Variants in DMD observed in about 807,000 individuals in gnomAD.
DMD encodes dystrophin, also known as mutant dystrophin.
DMD carries 63 observed loss-of-function variants against 330.1 expected under a neutral mutation model. The observed-to-expected ratio is 0.19, with a 90% CI of 0.16 to 0.24. The LOEUF (loss-of-function observed/expected upper bound fraction) is 0.24, where lower values mean the gene tolerates loss of function less well. Among genes scored for constraint, DMD ranks in the 10% least tolerant of loss-of-function variants. The pLI is 1.00. For missense variants in DMD, 3,344 were observed against 2,684.1 expected (o/e 1.25, Z -5.43); for synonymous variants, 1,223 against 959.8 (o/e 1.27, Z -5.07).
chrX:32,600,526 C>A (rs2149286466), intron 12 of DMD, among the ~76,000 whole-genome samples: 1 of 102,323 alleles, frequency 9.8e-6, no homozygotes, highest in African/African-American at 3.7e-5. Flanking sequence ...TTTAACTACT[C>A]CTCCGACTTC....
Position 32,653,124 on chromosome X carries a change from T to C in DMD, c.961-7972A>G, listed in dbSNP as rs191606341. Among the ~76,000 whole-genome samples, 434 of 112,227 alleles carry C rather than the reference T, an allele frequency of 3.9e-3. 5 individuals carry two copies. The highest frequency in any genetic ancestry group is 0.03 in the Admixed American group (320 of 10,574). ...TCTGTAGGTTGCCTGTTCACTATGA[T>C]GGTAGTTTCTTTTGCTTTGCAGAAG... On this transcript the variant is annotated intron_variant, in intron 9 of 78. Transcript: ENST00000357033.
chrX:32,659,647 T>G (rs1467945122), intron 9 of DMD, among the ~76,000 whole-genome samples: 1 of 111,282 alleles, frequency 9.0e-6, no homozygotes, highest in African/African-American at 3.3e-5. Context: ...TACAATAATG[T>G]GTCTCTTAGC....
chrX:32,701,584 G>C (rs936663532), intron 7 of DMD, among the ~76,000 whole-genome samples: 1 of 111,037 alleles, frequency 9.0e-6, no homozygotes, highest in Admixed American at 9.7e-5. Context: ...TCTAGAAAAT[G>C]TTCTTCCTTC....
At chrX:31,333,839 A>G (rs1027398942) in intron 61 of DMD, among the ~76,000 whole-genome samples, 1 of 111,274 alleles carries the variant, frequency 9.0e-6, no homozygotes, top group Non-Finnish European at 1.9e-5. Context: ...TCTAAAACCT[A>G]TATTTATATT....
chrX:31,308,078 T>G (rs1389401458), intron 62 of DMD, among the ~76,000 whole-genome samples: 1 of 111,735 alleles, frequency 8.9e-6, no homozygotes, highest in African/African-American at 3.3e-5. Flanking sequence ...ATGCCACGAC[T>G]GATCTGACAG....
chrX:31,248,777 C>T (rs1455749828), intron 63 of DMD, among the ~76,000 whole-genome samples: 4 of 111,699 alleles, frequency 3.6e-5, no homozygotes, highest in East Asian at 2.8e-4. Context: ...AGAAGCCGGG[C>T]GTACTTCCTT....
At chrX:32,278,372 C>T (rs927999646) in intron 43 of DMD, among the ~76,000 whole-genome samples, 18 of 111,083 alleles carry the variant, frequency 1.6e-4, no homozygotes, top group African/African-American at 5.2e-4. Flanking sequence ...CTGAACTCTA[C>T]CATGTGATAA....
chrX:33,141,852 C>T (rs1391214378), intron 1 of DMD, among the ~76,000 whole-genome samples: 5 of 111,672 alleles, frequency 4.5e-5, no homozygotes, highest in African/African-American at 1.6e-4. Flanking sequence ...GCATACACTA[C>T]CAAAAAGTGA....
chrX:32,424,930 C>A (rs1603633169), intron 29 of DMD, among the ~76,000 whole-genome samples: 1 of 111,437 alleles, frequency 9.0e-6, no homozygotes, highest in African/African-American at 3.3e-5. Flanking sequence ...TAATCAAATA[C>A]AACCTGGAGA....
chrX:32,089,869 C>T (rs2096464134), intron 44 of DMD, among the ~76,000 whole-genome samples: 1 of 111,821 alleles, frequency 8.9e-6, no homozygotes, highest in Admixed American at 9.5e-5. Flanking sequence ...AATCACCACA[C>T]TGCTTTCAAC....
At chrX:32,251,313 C>T (rs984239244) in intron 43 of DMD, among the ~76,000 whole-genome samples, 2 of 111,351 alleles carry the variant, frequency 1.8e-5, no homozygotes, top group East Asian at 2.8e-4. Flanking sequence ...AGGTATCCCA[C>T]GTATGTATCT....
chrX:31,172,256 C>T (rs2040068335), intron 73 of DMD, 92 bp downstream of exon 73: 1 of 641,386 alleles, frequency 1.6e-6, no homozygotes. Context: ...GAATATGATG[C>T]TAATTCCTAT....
At chrX:33,091,251 A>G (rs1299353992) in intron 1 of DMD, among the ~76,000 whole-genome samples, 1 of 111,771 alleles carries the variant, frequency 8.9e-6, no homozygotes, top group Non-Finnish European at 1.9e-5. Context: ...AAGCAGACAC[A>G]CACTTCTATT....
At chrX:32,726,799 T>C (rs1388739348) in intron 7 of DMD, among the ~76,000 whole-genome samples, 3 of 110,796 alleles carry the variant, frequency 2.7e-5, no homozygotes, top group South Asian at 7.6e-4. Context: ...CCTGAATTAA[T>C]TATCACATAT....
At chrX:33,270,797 CTAT>C (rs1335560156) in intron 1 of DMD, among the ~76,000 whole-genome samples, 1 of 111,949 alleles carries the variant, frequency 8.9e-6, no homozygotes, top group African/African-American at 3.3e-5. Flanking sequence ...GCTGAATAAA[CTAT>C]TAATTTTTAG....
chrX:31,351,139 C>T (rs2058382559), intron 60 of DMD, among the ~76,000 whole-genome samples: 2 of 99,660 alleles, frequency 2.0e-5, no homozygotes, highest in South Asian at 1.0e-3. Context: ...TATATTCACA[C>T]ACACATAGAC....
intron 62 of DMD, among the ~76,000 whole-genome samples, chrX:31,275,876 C>T (rs778409282): frequency 3.6e-5 from 4 of 111,492 alleles, no homozygotes; most frequent in Non-Finnish European, 7.5e-5. Context: ...ATTAGCTGTG[C>T]ATTCATGGAT....
intron 7 of DMD, among the ~76,000 whole-genome samples, chrX:32,770,409 A>C (rs1253409036): frequency 8.9e-6 from 1 of 111,905 alleles, no homozygotes; most frequent in Non-Finnish European, 1.9e-5. Flanking sequence ...ATGATTTAAT[A>C]CAATATACAT....
intron 17 of DMD, among the ~76,000 whole-genome samples, chrX:32,544,788 G>A (rs1158342522): frequency 1.9e-5 from 2 of 104,771 alleles, no homozygotes; most frequent in African/African-American, 7.0e-5. Context: ...TCCGTTACTG[G>A]AAAAAAAAGA....
Sources: allele counts gnomAD v4.1 joint callset (sites outside exome capture counted in the v4.1 genomes callset), GRCh38; gene constraint gnomAD v4.1.1; transcripts MANE v1.5; gene names NCBI Gene and HGNC (gene_info 2026-07-23, HGNC 2026-07-21).